OXA1L: variants seen among roughly 807,000 people sequenced by gnomAD.
The protein encoded by OXA1L is mitochondrial inner membrane protein OXA1L.
A neutral mutation model predicts 52.2 loss-of-function variants in OXA1L; 42 were observed. The ratio of observed to expected loss-of-function variants is 0.80; its 90% CI spans 0.63 to 1.04. The LOEUF (loss-of-function observed/expected upper bound fraction) is 1.04. Ranked by LOEUF, OXA1L falls within the 50% of genes least tolerant of loss-of-function variation. The pLI, the probability that OXA1L is intolerant of heterozygous loss-of-function variation, is 0.00. For synonymous variants in OXA1L, 239 were observed against 201.9 expected, an observed-to-expected ratio of 1.18 and a Z score of -1.56; for missense variants, 572 against 555.0, an observed-to-expected ratio of 1.03 and a Z score of -0.31.
Position 22,767,346 on chromosome 14 carries a change from C to T in OXA1L, c.162C>T (p.Leu54=), listed in dbSNP as rs541569251. 1.2e-6 allele frequency: 2 copies of T among 1,613,970 alleles called. No individual in the cohort carries two copies. The highest frequency in any genetic ancestry group is 1.7e-6 in the Non-Finnish European group (2 of 1,179,950). The change falls in exon 2 of 10, where the codon CTC becomes CTT. Residue 54 remains leucine (L), a synonymous_variant. Transcript: ENST00000612549. ...AAPCCCRPHY[L]FLAASGPRSL... is the part of the protein sequence containing the mutation. ...CGTGCTGCTGTCGCCCACACTACCT[C>T]TTCCTTGCGGCTTCCGGCCCCCGCA...
In OXA1L at chr14:22,771,522, A is replaced by G; in HGVS notation, c.1272A>G (p.Pro424=). The part of the protein sequence containing the change: ...PPNIPSSSSK[P]KSKYPWHDTL... ...ATATCCCTAGCAGCAGCAGCAAACC[A>G]AAGTCAAAGTATCCCTGGCACGACA... Residue 424 remains proline, a synonymous_variant, in exon 10 of 10, where the codon CCA becomes CCG. Transcript: ENST00000612549. 6.2e-7 allele frequency: 1 copy of G among 1,614,164 alleles called. No homozygotes were observed. The highest frequency in any genetic ancestry group is 2.2e-5 in the East Asian group (1 of 44,884).
rs1402122721 is a variant in OXA1L at position 22,771,461 on chromosome 14, A to G, written c.1211A>G (p.Asn404Ser). The G allele has an allele frequency of 1.2e-6, 2 of 1,613,962 alleles. No homozygotes were observed. Among genetic ancestry groups the G allele is most frequent in the Admixed American group, 1.7e-5 (1 of 59,982 alleles). ...RGPLRQTFTH[N>S]PLLQPGKDNP... Reference sequence around the variant, plus strand: ...CCTTTACGACAGACCTTTACCCACAACCCTCTCCTACAACCTGGAAAGGAT... The same window carrying G: ...CCTTTACGACAGACCTTTACCCACAGCCCTCTCCTACAACCTGGAAAGGAT... Residue 404 changes from asparagine to serine, a missense_variant, in exon 10 of 10, where the codon AAC becomes AGC. Around this residue, in one of 5 missense-constraint regions of OXA1L, gnomAD observed 244 missense variants for 240.2 expected, o/e 1.02. Transcript: ENST00000612549.
chr14:22,770,949 C>G (rs763655746), intron 7 of OXA1L, 40 bp downstream of exon 7: 6 of 1,612,000 alleles, frequency 3.7e-6, no homozygotes, highest in Non-Finnish European at 1.7e-6. Flanking sequence ...GGCCTTCTGC[C>G]TAGCCTAGCC....
intron 1 of OXA1L, 57 bp from the exon 2 acceptor site, chr14:22,767,191 C>A: frequency 6.4e-7 from 1 of 1,569,868 alleles, no homozygotes; most frequent in Non-Finnish European, 8.6e-7. Flanking sequence ...CCGTTTGCAC[C>A]CACGCGAGGA....
At chr14:22,769,117 A>G (rs574252769) in intron 3 of OXA1L, among the ~76,000 whole-genome samples, 25 of 152,100 alleles carry the variant, frequency 1.6e-4, no homozygotes, top group Admixed American at 1.4e-3. Flanking sequence ...AAAATATGCT[A>G]TTATTACTGA....
Position 22,771,253 on chromosome 14 carries a change from C to A in OXA1L, c.1103-15C>A, listed in dbSNP as rs748982925. On this transcript the variant is annotated splice_polypyrimidine_tract_variant and intron_variant, in intron 8 of 9. Transcript: ENST00000612549. Reference sequence around the variant, plus strand: ...AATAGGAATGCAACTGACTCTCTTGCTTCTCTTTACACAGGCTGGAAAAAT... The same window carrying A: ...AATAGGAATGCAACTGACTCTCTTGATTCTCTTTACACAGGCTGGAAAAAT... 26 of 1,613,606 alleles carry A rather than the reference C, an allele frequency of 1.6e-5. No homozygotes were observed. The highest frequency in any genetic ancestry group is 7.7e-5 in the South Asian group (7 of 91,060).
chr14:22,771,191 A>C lies in OXA1L; in HGVS notation c.1102+11A>C. 1 of 1,613,810 alleles carries C rather than the reference A, an allele frequency of 6.2e-7. No homozygotes were observed. Among genetic ancestry groups the C allele is most frequent in the Non-Finnish European group, 8.5e-7 (1 of 1,179,694 alleles). ...AGAGCTTCAAAAAAGGTAAGGGCTCATCCTCTGTGAAAAAGGACTAGGGAA... is the reference window on the plus strand; with the variant it reads ...AGAGCTTCAAAAAAGGTAAGGGCTCCTCCTCTGTGAAAAAGGACTAGGGAA... On this transcript the variant is annotated intron_variant, in intron 8 of 9. Transcript: ENST00000612549.
At position 22,767,419 on chromosome 14, in the gene OXA1L, C is replaced by T. The variant is rs1388662065; in HGVS notation, c.225+10C>T. 1 of 1,585,768 alleles carries T rather than the reference C, an allele frequency of 6.3e-7. No homozygotes were observed. Among genetic ancestry groups the T allele is most frequent in the African/African-American group, 1.4e-5 (1 of 73,468 alleles). Reference sequence around the variant, plus strand: ...TTTTGCAGAAGTCCAGGTAAGAGGCCTTTCGTTCCTGCAATATTAGGAGTG... The same window carrying T: ...TTTTGCAGAAGTCCAGGTAAGAGGCTTTTCGTTCCTGCAATATTAGGAGTG... On this transcript the variant is annotated intron_variant, in intron 2 of 9. Transcript: ENST00000612549.
chr14:22,767,280 T>G lies in OXA1L; in HGVS notation c.96T>G (p.Leu32=). The G allele has an allele frequency of 1.2e-6, 2 of 1,612,788 alleles. No individual in the cohort carries two copies. Among genetic ancestry groups the G allele is most frequent in the Non-Finnish European group, 1.7e-6 (2 of 1,179,598 alleles). The part of the protein sequence containing the change: ...VHSVAGPSQW[L]GKPLTTRLLF... Reference sequence around the variant, plus strand: ...GCGTCGCAGGGCCCTCGCAATGGCTTGGGAAACCGCTGACCACACGGCTCC... The same window carrying G: ...GCGTCGCAGGGCCCTCGCAATGGCTGGGGAAACCGCTGACCACACGGCTCC... The change falls in exon 2 of 10, where the codon CTT becomes CTG. Residue 32 remains leucine, a synonymous_variant. Transcript: ENST00000612549.
rs777064794 is a variant in OXA1L, at chr14:22,767,935, A to T, written c.226-23A>T. On this transcript the variant is annotated intron_variant, in intron 2 of 9. Transcript: ENST00000612549. Reference sequence around the variant, plus strand: ...TTGTGTTCGCTACTGAATAAATATAATACAAGGCTTTCTTTCACACAGGTT... The same window carrying T: ...TTGTGTTCGCTACTGAATAAATATATTACAAGGCTTTCTTTCACACAGGTT... 6.3e-6 allele frequency: 10 copies of T among 1,584,414 alleles called. No homozygotes were observed. In the African/African-American group the frequency reaches 1.4e-4, roughly 21 times the overall value.
Position 22,770,795 on chromosome 14 carries a change from C to A in OXA1L, c.835-10C>A, listed in dbSNP as rs773073599. 1 of 1,612,884 alleles carries A rather than the reference C, an allele frequency of 6.2e-7. No homozygotes were observed. Among genetic ancestry groups the A allele is most frequent in the African/African-American group, 1.3e-5 (1 of 75,048 alleles). On this transcript the variant is annotated splice_polypyrimidine_tract_variant and intron_variant, in intron 6 of 9. Coordinates refer to ENST00000612549, the MANE Select transcript of OXA1L (RefSeq NM_005015.5). ...CTTTCCCGACTTTTCCACCCCACTT[C>A]TTTTGGCAGCTAGGTGCTGAGACAG...
intron 2 of OXA1L, 68 bp from the exon 3 acceptor site, chr14:22,767,890 A>G (rs1235583760): frequency 4.0e-6 from 5 of 1,249,998 alleles, no homozygotes; most frequent in Middle Eastern, 2.4e-4. Flanking sequence ...ACTGGTTATT[A>G]TAAAAAGATC....
In OXA1L at chr14:22,770,574, C is replaced by T; in HGVS notation, c.783C>T (p.Pro261=). Residue 261 remains proline, a synonymous_variant, in exon 6 of 10, where the codon CCC becomes CCT. Transcript: ENST00000612549. ...TCCAGGATCTCACGGTATCCGATCC[C>T]ATCTACATATTACCACTGGCAGTCA... ...WWFQDLTVSD[P]IYILPLAVTA... is the part of the protein sequence containing the mutation. 6.2e-7 allele frequency: 1 copy of T among 1,614,078 alleles called. No individual in the cohort carries two copies. The highest frequency in any genetic ancestry group is 8.5e-7 in the Non-Finnish European group (1 of 1,179,942).
Position 22,770,040 on chromosome 14 carries a change from A to G in OXA1L, c.583+106A>G, listed in dbSNP as rs905469897. ...TAAATCAGAAGTTGCCACAGTCGGG[A>G]AAGTTCTAAAGGTTTATCTGTTTCT... On this transcript the variant is annotated intron_variant, in intron 4 of 9. Transcript: ENST00000612549. The G allele has an allele frequency of 1.2e-5, 18 of 1,474,704 alleles. No individual in the cohort carries two copies. The South Asian group carries it at 1.9e-4, about 15-fold the overall frequency. The allele number at this position is 1,474,704 out of a possible 1,614,324, so 91.4% of individuals were successfully genotyped here.
chr14:22,767,328 C>T lies in OXA1L; in HGVS notation c.144C>T (p.Cys48=). ...TCCTATTCCCAGCAGCCCCGTGCTG[C>T]TGTCGCCCACACTACCTCTTCCTTG... ...TRLLFPAAPC[C]CRPHYLFLAA... is the part of the protein sequence containing the mutation. The change falls in exon 2 of 10, where the codon TGC becomes TGT. Residue 48 remains cysteine (C), a synonymous_variant. Coordinates refer to ENST00000612549, the MANE Select transcript of OXA1L (RefSeq NM_005015.5). 1 of 1,613,836 alleles carries T rather than the reference C, an allele frequency of 6.2e-7. No homozygotes were observed. Among genetic ancestry groups the T allele is most frequent in the Non-Finnish European group, 8.5e-7 (1 of 1,179,880 alleles).
chr14:22,767,490 G>C, intron 2 of OXA1L, 81 bp downstream of exon 2: 1 of 1,241,428 alleles, frequency 8.1e-7, no homozygotes, highest in Non-Finnish European at 1.1e-6. Flanking sequence ...GGGAGCAGGG[G>C]GAATATGGAG....
At chr14:22,766,976 C>G (rs1218187474) in intron 1 of OXA1L, 11 of 1,528,144 alleles carry the variant, frequency 7.2e-6, no homozygotes, top group Non-Finnish European at 9.6e-6. Context: ...GGCTTGGCTC[C>G]TGGCGAGAGC....
chr14:22,766,728 C>G lies in OXA1L; in HGVS notation c.27C>G (p.Arg9=), dbSNP rs377611289. 2 of 1,614,166 alleles carry G rather than the reference C, an allele frequency of 1.2e-6. No individual in the cohort carries two copies. The highest frequency in any genetic ancestry group is 2.7e-5 in the African/African-American group (2 of 74,958). Residue 9 remains arginine (R), a synonymous_variant, in exon 1 of 10, where the codon CGC becomes CGG. Transcript: ENST00000612549. ...TGGCGATGGGACTAATGTGCGGACGCCGGGAGCTTCTGCGCTTGCTACAGT... is the reference window on the plus strand; with the variant it reads ...TGGCGATGGGACTAATGTGCGGACGGCGGGAGCTTCTGCGCTTGCTACAGT... MAMGLMCG[R]RELLRLLQSG...
At chr14:22,766,988 C>A (rs780227969) in intron 1 of OXA1L, 1 of 1,531,678 alleles carries the variant, frequency 6.5e-7, no homozygotes, top group African/African-American at 1.4e-5. Flanking sequence ...GGCGAGAGCA[C>A]CTCGGCCTCG....
Sources: allele counts gnomAD v4.1 joint callset (sites outside exome capture counted in the v4.1 genomes callset), GRCh38; gene constraint gnomAD v4.1.1; regional missense constraint gnomAD v4.1.1; transcripts MANE v1.5; gene names NCBI Gene and HGNC (gene_info 2026-07-23, HGNC 2026-07-21).